GRM6: variants seen among roughly 807,000 people sequenced by gnomAD.
The protein encoded by GRM6 is metabotropic glutamate receptor 6.
In GRM6, 73 loss-of-function variants were observed where a neutral mutation model predicts 78.4. That is an observed-to-expected ratio of 0.93 (90% CI 0.77 to 1.13). GRM6 has a LOEUF of 1.13. Ranked by LOEUF, GRM6 falls within the 50% of genes most tolerant of loss-of-function variation. The pLI is 0.00. For synonymous variants in GRM6, 580 were observed against 555.0 expected, an observed-to-expected ratio of 1.05 and a Z score of -0.63; for missense variants, 1,251 against 1,256.4, an observed-to-expected ratio of 1.00 and a Z score of 0.07.
At position 178,985,721 on chromosome 5, in the gene GRM6, A is replaced by G. The variant is rs778639820; in HGVS notation, c.2124+409T>C. 187 of 431,410 alleles carry G rather than the reference A, an allele frequency of 4.3e-4. 3 individuals carry two copies. Among genetic ancestry groups the G allele is most frequent in the Non-Finnish European group, 7.6e-4 (167 of 220,352 alleles). The allele number at this position is 431,410 out of a possible 1,614,324, so 26.7% of individuals were successfully genotyped here. A position where few individuals can be genotyped will look rare whatever the true frequency, so the allele number is the denominator to read the frequency against. ...CTGTCTAAAAAAAAAAAAACAAAACAACACAGGAACCAAAATAGAAAAGAG... is the reference window on the plus strand; with the variant it reads ...CTGTCTAAAAAAAAAAAAACAAAACGACACAGGAACCAAAATAGAAAAGAG... On this transcript the variant is annotated intron_variant, in intron 9 of 10. Transcript: ENST00000517717.
At chr5:178,989,211 A>AGCCCCCCCC in intron 6 of GRM6, 54 bp downstream of exon 6, 1 of 121,738 alleles carries the variant, frequency 8.2e-6, no homozygotes, top group Non-Finnish European at 1.3e-5. Flanking sequence ...CCCCCTCCCC[A>AGCCCCCCCC]CCCTCACCAC....
intron 7 of GRM6, chr5:178,987,564 C>T (rs2645340): frequency 0.73 from 304,417 of 414,332 alleles, 112,501 homozygotes; most frequent in Non-Finnish European, 0.77. Context: ...GTCACACATG[C>T]GCAAATACCG....
rs761725497 is a variant in GRM6 at position 178,981,741 on chromosome 5, A to T, written c.2550T>A (p.Asn850Lys). 1 of 1,613,974 alleles carries T rather than the reference A, an allele frequency of 6.2e-7. No homozygotes were observed. The highest frequency in any genetic ancestry group is 1.1e-5 in the South Asian group (1 of 91,082). ...TGAGGCTCCGCTTTCGCTTCTGCAC[A>T]TTCTGCTCTGGATGGAAGAGGATGA... ...TYVILFHPEQNVQKRKRSLKA... is the reference protein window; with the variant it reads ...TYVILFHPEQKVQKRKRSLKA... The change falls in exon 11 of 11, where the codon AAT (asparagine) becomes AAA (lysine). Residue 850 changes from asparagine (N) to lysine (K), a missense_variant. By Grantham distance (94) the Asn-to-Lys change is moderately conservative (BLOSUM62 0). Transcript: ENST00000517717. This position sits in a 1 kb window ranked among gnomAD's most constrained non-coding sequence, Gnocchi z 5.1.
intron 9 of GRM6, chr5:178,983,644 A>G: frequency 2.8e-6 from 1 of 351,344 alleles, no homozygotes; most frequent in South Asian, 2.1e-5. Flanking sequence ...CCTCACGTGT[A>G]CTGAGCTTCA....
chr5:178,985,676 C>T (rs189633506), intron 9 of GRM6: 42 of 394,618 alleles, frequency 1.1e-4, no homozygotes, highest in Admixed American at 1.7e-4. Flanking sequence ...GCACTCCAGC[C>T]TGGGCGACAC....
Position 178,980,185 on chromosome 5 carries a change from G to C in GRM6, c.*1472C>G, listed in dbSNP as rs1019459843. 1 of 154,366 alleles carries C rather than the reference G, an allele frequency of 6.5e-6. No homozygotes were observed. Among genetic ancestry groups the C allele is most frequent in the African/African-American group, 2.4e-5 (1 of 41,512 alleles). The allele number at this position is 154,366 out of a possible 1,614,324, so 9.6% of individuals were successfully genotyped here. ...AAGTTTGTATGTTGGATAAAGTGTGGTTCACCCTCAAAACTAGCTCCAGAC... is the reference window on the plus strand; with the variant it reads ...AAGTTTGTATGTTGGATAAAGTGTGCTTCACCCTCAAAACTAGCTCCAGAC... On this transcript the variant is annotated 3_prime_UTR_variant, in exon 11 of 11. Transcript: ENST00000517717. This position sits in a 1 kb window ranked among gnomAD's most constrained non-coding sequence, Gnocchi z 4.3.
In GRM6 at chr5:178,991,735, C is replaced by A; in HGVS notation, c.721+132G>T. On this transcript the variant is annotated intron_variant, in intron 3 of 10. Coordinates refer to ENST00000517717, the MANE Select transcript of GRM6 (RefSeq NM_000843.4). This position sits in a 1 kb window ranked among gnomAD's most constrained non-coding sequence, Gnocchi z 5.0. ...TCGTCCAAAACAAAGAGGTCCCGCC[C>A]ACATGGAGCACCAGCCAGGCAACCT... The A allele has an allele frequency of 9.1e-7, 1 of 1,102,012 alleles. No individual in the cohort carries two copies. Among genetic ancestry groups the A allele is most frequent in the Non-Finnish European group, 1.4e-6 (1 of 732,012 alleles). 68.3% of individuals were successfully genotyped at this position (1,102,012 alleles called of 1,614,324 possible).
chr5:178,991,495 C>T lies in GRM6; in HGVS notation c.786G>A (p.Lys262=). 6.2e-7 allele frequency: 1 copy of T among 1,613,546 alleles called. No homozygotes were observed. Among genetic ancestry groups the T allele is most frequent in the Non-Finnish European group, 8.5e-7 (1 of 1,179,650 alleles). ...PREPKPGEFS[K]VIRRLMETPN... is the part of the protein sequence containing the mutation. Reference sequence around the variant, plus strand: ...GCGTCTCCATGAGTCTCCTGATCACCTTGCTGAACTCTCCTGGCTTTGGTT... The same window carrying T: ...GCGTCTCCATGAGTCTCCTGATCACTTTGCTGAACTCTCCTGGCTTTGGTT... The change falls in exon 4 of 11, where the codon AAG becomes AAA. Residue 262 remains lysine (K), a synonymous_variant. Coordinates refer to ENST00000517717, the MANE Select transcript of GRM6 (RefSeq NM_000843.4). The surrounding 1 kb of genome is among the most constrained non-coding windows in gnomAD (Gnocchi z 5.0).
Position 178,991,398 on chromosome 5 carries a change from G to T in GRM6, c.857+26C>A. 1 of 1,610,778 alleles carries T rather than the reference G, an allele frequency of 6.2e-7. No individual in the cohort carries two copies. The highest frequency in any genetic ancestry group is 1.1e-5 in the South Asian group (1 of 91,030). On this transcript the variant is annotated intron_variant, in intron 4 of 10. Coordinates refer to ENST00000517717, the MANE Select transcript of GRM6 (RefSeq NM_000843.4). This position sits in a 1 kb window ranked among gnomAD's most constrained non-coding sequence, Gnocchi z 5.0. Reference sequence around the variant, plus strand: ...GGGACCCTCAGGGAGAGCCCCAGGGGCCCGGTGATTGTGCCACTGTCCCAC... The same window carrying T: ...GGGACCCTCAGGGAGAGCCCCAGGGTCCCGGTGATTGTGCCACTGTCCCAC...
In GRM6 at chr5:178,988,346, G is replaced by C. The variant is rs1283211310; in HGVS notation, c.1354+589C>G. ...GAGCATGGCGGAGAGAAGGTGGTGA[G>C]TGAGTGTTCAGTGGAAGAGCGGAGT... is the stretch of plus-strand genomic sequence containing the variant. On this transcript the variant is annotated intron_variant, in intron 7 of 10. Transcript: ENST00000517717. The surrounding 1 kb of genome is among the most constrained non-coding windows in gnomAD (Gnocchi z 6.0). 6.6e-6 allele frequency among the ~76,000 whole-genome samples: 1 copy of C among 152,182 alleles called. No homozygotes were observed. Among genetic ancestry groups the C allele is most frequent in the African/African-American group, 2.4e-5 (1 of 41,448 alleles).
rs528845439 is a variant in GRM6, at chr5:178,991,868, A to G, written c.720T>C (p.Ala240=). The G allele has an allele frequency of 6.2e-7, 1 of 1,613,008 alleles. No individual in the cohort carries two copies. Among genetic ancestry groups the G allele is most frequent in the South Asian group, 1.1e-5 (1 of 91,040 alleles). The part of the protein sequence containing the change: ...VEAFVQISRE[A]GGVCIAQSIK... ...GGTGCCTCGGAGCCCCCAGCTCACCAGCCTCTCGGGAGATCTGAACGAAGG... is the reference window on the plus strand; with the variant it reads ...GGTGCCTCGGAGCCCCCAGCTCACCGGCCTCTCGGGAGATCTGAACGAAGG... The change falls in exon 3 of 11, where the codon GCT becomes GCC. Residue 240 remains alanine, a splice_region_variant and synonymous_variant. Transcript: ENST00000517717. The surrounding 1 kb of genome is among the most constrained non-coding windows in gnomAD (Gnocchi z 5.0).
At position 178,986,010 on chromosome 5, in the gene GRM6, C is replaced by G. The variant is rs148828026; in HGVS notation, c.2124+120G>C. On this transcript the variant is annotated intron_variant, in intron 9 of 10. Coordinates refer to ENST00000517717, the MANE Select transcript of GRM6 (RefSeq NM_000843.4). ...CTCCTGGACTCAGGTGATCCACCCACCTCAGCCTCCAAAGGTGCTGGGACT... is the reference window on the plus strand; with the variant it reads ...CTCCTGGACTCAGGTGATCCACCCAGCTCAGCCTCCAAAGGTGCTGGGACT... 1.5e-3 allele frequency: 1,384 copies of G among 913,254 alleles called. 15 individuals carry two copies. In the African/African-American group the frequency reaches 0.02, roughly 13 times the overall value. 56.6% of individuals were successfully genotyped at this position (913,254 alleles called of 1,614,324 possible). A position where few individuals can be genotyped will look rare whatever the true frequency, so the allele number is the denominator to read the frequency against.
rs1581890360 is a variant in GRM6 at position 178,981,284 on chromosome 5, G to A, written c.*373C>T. 7.5e-6 allele frequency: 2 copies of A among 265,628 alleles called. No homozygotes were observed. Among genetic ancestry groups the A allele is most frequent in the Non-Finnish European group, 1.5e-5 (2 of 136,368 alleles). 16.5% of individuals were successfully genotyped at this position (265,628 alleles called of 1,614,324 possible). On this transcript the variant is annotated 3_prime_UTR_variant, in exon 11 of 11. Coordinates refer to ENST00000517717, the MANE Select transcript of GRM6 (RefSeq NM_000843.4). The surrounding 1 kb of genome is among the most constrained non-coding windows in gnomAD (Gnocchi z 5.1). Reference sequence around the variant, plus strand: ...GTTCTTCCACACTGCCCAATCCCCAGGTTATGGGGGTTGACTGAGGGGAGG... The same window carrying A: ...GTTCTTCCACACTGCCCAATCCCCAAGTTATGGGGGTTGACTGAGGGGAGG...
intron 2 of GRM6, among the ~76,000 whole-genome samples, chr5:178,993,674 A>C (rs1346789378): frequency 6.6e-6 from 1 of 152,116 alleles, no homozygotes; most frequent in East Asian, 1.9e-4. Context: ...CACAACCCCC[A>C]GTGAATGACC....
chr5:178,985,619 C>T (rs192606239), intron 9 of GRM6: 4,423 of 360,130 alleles, frequency 0.012, 178 homozygotes, highest in Admixed American at 0.092. Flanking sequence ...AGGAGAATGG[C>T]GTGAACCCGG....
intron 10 of GRM6, among the ~76,000 whole-genome samples, chr5:178,982,344 G>A (rs1307125431): frequency 1.3e-5 from 2 of 152,120 alleles, no homozygotes; most frequent in Admixed American, 6.5e-5. Context: ...TTGGGAGGCC[G>A]AGGCAGATGG....
rs1760387075 is a variant in GRM6, at chr5:178,981,114, G to C, written c.*543C>G. The C allele has an allele frequency of 3.1e-5, 5 of 162,320 alleles. No homozygotes were observed. The highest frequency in any genetic ancestry group is 1.7e-4 in the Admixed American group (3 of 17,168). The allele number at this position is 162,320 out of a possible 1,614,324, so 10.1% of individuals were successfully genotyped here. On this transcript the variant is annotated 3_prime_UTR_variant, in exon 11 of 11. Coordinates refer to ENST00000517717, the MANE Select transcript of GRM6 (RefSeq NM_000843.4). The surrounding 1 kb of genome is among the most constrained non-coding windows in gnomAD (Gnocchi z 5.1). ...TGCAGGCCCTTCCCATGCTCACAGGGGTCTCACCCAGGGTCTCTCCCTCCG... is the reference window on the plus strand; with the variant it reads ...TGCAGGCCCTTCCCATGCTCACAGGCGTCTCACCCAGGGTCTCTCCCTCCG...
chr5:178,978,604 A>G lies in GRM6; in HGVS notation c.*3053T>C, dbSNP rs1760332161. Reference sequence around the variant, plus strand: ...AATAGGTGGTTAAAGCTTACATCAGAACGTAATCTTACTCTGCTTTAGAGC... The same window carrying G: ...AATAGGTGGTTAAAGCTTACATCAGGACGTAATCTTACTCTGCTTTAGAGC... On this transcript the variant is annotated 3_prime_UTR_variant, in exon 11 of 11. Transcript: ENST00000517717. 1.3e-5 allele frequency: 2 copies of G among 152,262 alleles called. No individual in the cohort carries two copies. The highest frequency in any genetic ancestry group is 1.3e-4 in the Admixed American group (2 of 15,286). The allele number at this position is 152,262 out of a possible 1,614,324, so 9.4% of individuals were successfully genotyped here. A position where few individuals can be genotyped will look rare whatever the true frequency, so the allele number is the denominator to read the frequency against.
chr5:178,982,854 T>C (rs1760425767), intron 10 of GRM6, 56 bp downstream of exon 10: 8 of 1,246,566 alleles, frequency 6.4e-6, no homozygotes, highest in Non-Finnish European at 8.3e-6. Flanking sequence ...CATGAATGAA[T>C]CGACCAGCCT....
Sources: gnomAD v4.1 joint callset for allele counts (sites outside exome capture counted in the v4.1 genomes callset) on GRCh38, gnomAD v4.1.1 for gene constraint, Gnocchi (gnomAD v3.1) non-coding constraint, MANE v1.5 for transcripts, NCBI Gene and HGNC (gene_info 2026-07-23, HGNC 2026-07-21) for gene names.